The following MAPK1IP1L variants were observed in gnomAD, a reference collection of about 807,000 sequenced individuals.
MAPK1IP1L encodes the protein MAPK-interacting and spindle-stabilizing protein-like.
A neutral mutation model predicts 18.1 loss-of-function variants in MAPK1IP1L; 10 were observed. That is an observed-to-expected ratio of 0.55 (90% CI 0.34 to 0.94). MAPK1IP1L has a LOEUF of 0.94. Among genes scored for constraint, MAPK1IP1L ranks in the 40% least tolerant of loss-of-function variants. The pLI, the probability that MAPK1IP1L is intolerant of heterozygous loss-of-function variation, is 0.02. For missense variants in MAPK1IP1L, 260 were observed against 318.2 expected, an observed-to-expected ratio of 0.82 and a Z score of 1.39; for synonymous variants, 115 against 117.3, an observed-to-expected ratio of 0.98 and a Z score of 0.13.
intron 2 of MAPK1IP1L, 57 bp from the exon 3 acceptor site, chr14:55,062,561 T>C: frequency 1.5e-6 from 2 of 1,378,484 alleles, no homozygotes; most frequent in South Asian, 1.4e-5. Context: ...GGGTTTATAA[T>C]GGTGTTCGAT....
chr14:55,063,177 C>T lies in MAPK1IP1L; in HGVS notation c.578C>T (p.Thr193Ile). 1.2e-6 allele frequency: 2 copies of T among 1,614,162 alleles called. No individual in the cohort carries two copies. The highest frequency in any genetic ancestry group is 1.7e-6 in the Non-Finnish European group (2 of 1,180,034). Residue 193 changes from threonine to isoleucine, a missense_variant, in exon 3 of 4, where the codon ACC becomes ATC. Physicochemically the swap from Thr to Ile is moderately conservative, Grantham distance 89. Coordinates refer to ENST00000395468, the MANE Select transcript of MAPK1IP1L (RefSeq NM_144578.4). ...GCAGCACCACCTGTTCCATGGGGCA[C>T]CGTTCCACCAGGAGCCTGGGGACCA... is the stretch of plus-strand genomic sequence containing the variant. Reference protein sequence around the residue: ...PGAAPPVPWGTVPPGAWGPPA... With the variant: ...PGAAPPVPWGIVPPGAWGPPA...
chr14:55,064,320 T>C (rs774897006), intron 3 of MAPK1IP1L, among the ~76,000 whole-genome samples: 7 of 152,044 alleles, frequency 4.6e-5, no homozygotes, highest in Admixed American at 1.3e-4. Flanking sequence ...CTGTTAACTC[T>C]TAGTACGAAA....
At position 55,063,147 on chromosome 14, in the gene MAPK1IP1L, C is replaced by T. The variant is rs1013001033; in HGVS notation, c.548C>T (p.Pro183Leu). 1.2e-6 allele frequency: 2 copies of T among 1,614,090 alleles called. No homozygotes were observed. The highest frequency in any genetic ancestry group is 1.7e-6 in the Non-Finnish European group (2 of 1,180,032). The stretch of plus-strand genomic sequence containing the variant: ...CCCGCTCCTCCTCCTCCCCAAGCCC[C>T]TGGGGCAGCACCACCTGTTCCATGG... ...PYPAPPPPQA[P>L]GAAPPVPWGT... is the part of the protein sequence containing the mutation. Residue 183 changes from proline to leucine, a missense_variant, in exon 3 of 4, where the codon CCT becomes CTT. By Grantham distance (98) the Pro-to-Leu change is moderately conservative. Coordinates refer to ENST00000395468, the MANE Select transcript of MAPK1IP1L (RefSeq NM_144578.4).
intron 1 of MAPK1IP1L, among the ~76,000 whole-genome samples, chr14:55,054,011 A>G (rs989393486): frequency 6.6e-6 from 1 of 152,120 alleles, no homozygotes; most frequent in African/African-American, 2.4e-5. Flanking sequence ...GAATGCTCTA[A>G]TGAGCATTTC....
At position 55,054,560 on chromosome 14, in the gene MAPK1IP1L, A is replaced by G. The variant is rs1034984156; in HGVS notation, c.-5+2757A>G. On this transcript the variant is annotated intron_variant, in intron 1 of 3. Coordinates refer to ENST00000395468, the MANE Select transcript of MAPK1IP1L (RefSeq NM_144578.4). ...ATATCTAACATGTATATAGCACTTT[A>G]TAGATTAAGTGTGTTACTATTTTCT... Among the ~76,000 whole-genome samples, 19 of 152,366 alleles carry G rather than the reference A, an allele frequency of 1.2e-4. 1 individual carries two copies. The highest frequency in any genetic ancestry group is 4.1e-4 in the South Asian group (2 of 4,828).
At position 55,069,758 on chromosome 14, in the gene MAPK1IP1L, CTCT is replaced by C. The variant is rs1256385233; in HGVS notation, c.*5136_*5138del. 4 of 152,168 alleles carry C rather than the reference CTCT, an allele frequency of 2.6e-5. No individual in the cohort carries two copies. Among genetic ancestry groups the C allele is most frequent in the Admixed American group, 6.5e-5 (1 of 15,270 alleles). The allele number at this position is 152,168 out of a possible 1,614,324, so 9.4% of individuals were successfully genotyped here. A position where few individuals can be genotyped will look rare whatever the true frequency, so the allele number is the denominator to read the frequency against. ...ACATGGTGTCCATTGTGGTGATTTT[CTCT>C]TCTTTTAAGGCTAGGCTACTCTTGG... On this transcript the variant is annotated 3_prime_UTR_variant, in exon 4 of 4. Coordinates refer to ENST00000395468, the MANE Select transcript of MAPK1IP1L (RefSeq NM_144578.4).
In MAPK1IP1L at chr14:55,064,878, GATAAAGT is replaced by G. The variant is rs1328516309; in HGVS notation, c.*255_*261del. 5.6e-5 allele frequency: 22 copies of G among 389,626 alleles called. No homozygotes were observed. In the South Asian group the frequency reaches 1.8e-3, roughly 32 times the overall value. 24.1% of individuals were successfully genotyped at this position (389,626 alleles called of 1,614,324 possible). A position where few individuals can be genotyped will look rare whatever the true frequency, so the allele number is the denominator to read the frequency against. On this transcript the variant is annotated 3_prime_UTR_variant, in exon 4 of 4. Transcript: ENST00000395468. ...TTTGGTTTTCATGGAAAGTTAAAGT[GATAAAGT>G]ATATTGAATAGTTCTTTGACAGAAT... is the stretch of plus-strand genomic sequence containing the variant.
rs542543411 is a variant in MAPK1IP1L, at chr14:55,066,175, G to A, written c.*1548G>A. The A allele has an allele frequency of 2.0e-5, 3 of 152,296 alleles. No individual in the cohort carries two copies. Among genetic ancestry groups the A allele is most frequent in the South Asian group, 2.1e-4 (1 of 4,826 alleles). 9.4% of individuals were successfully genotyped at this position (152,296 alleles called of 1,614,324 possible). A position where few individuals can be genotyped will look rare whatever the true frequency, so the allele number is the denominator to read the frequency against. On this transcript the variant is annotated 3_prime_UTR_variant, in exon 4 of 4. Coordinates refer to ENST00000395468, the MANE Select transcript of MAPK1IP1L (RefSeq NM_144578.4). Reference sequence around the variant, plus strand: ...GTTTTGCTTAGAAATAAAATATTTAGTAGTTTATTTCTGCTCTAATTAAAA... The same window carrying A: ...GTTTTGCTTAGAAATAAAATATTTAATAGTTTATTTCTGCTCTAATTAAAA...
chr14:55,052,722 G>T (rs187618783), intron 1 of MAPK1IP1L, among the ~76,000 whole-genome samples: 23 of 152,326 alleles, frequency 1.5e-4, no homozygotes, highest in African/African-American at 5.3e-4. Flanking sequence ...GTTCACTGGT[G>T]TTCTTTGGGG....
At chr14:55,055,456 C>G (rs926342460) in intron 1 of MAPK1IP1L, among the ~76,000 whole-genome samples, 1 of 152,144 alleles carries the variant, frequency 6.6e-6, no homozygotes, top group Non-Finnish European at 1.5e-5. Flanking sequence ...CAATGAATCC[C>G]TGAAACTGAA....
rs1247489550 is a variant in MAPK1IP1L at position 55,069,403 on chromosome 14, C to T, written c.*4776C>T. 1 of 152,538 alleles carries T rather than the reference C, an allele frequency of 6.6e-6. No homozygotes were observed. Among genetic ancestry groups the T allele is most frequent in the East Asian group, 1.9e-4 (1 of 5,198 alleles). The allele number at this position is 152,538 out of a possible 1,614,324, so 9.4% of individuals were successfully genotyped here. On this transcript the variant is annotated 3_prime_UTR_variant, in exon 4 of 4. Transcript: ENST00000395468. ...TATCACCTGCTGCTGTATTTGTAAA[C>T]AAAGACAAATGTTGCTTTAAGAAGT... is the stretch of plus-strand genomic sequence containing the variant.
In MAPK1IP1L at chr14:55,067,066, T is replaced by TTA. The variant is rs2042868609; in HGVS notation, c.*2440_*2441insAT. The TTA allele has an allele frequency of 8.8e-6, 1 of 113,594 alleles. No homozygotes were observed. The highest frequency in any genetic ancestry group is 1.7e-5 in the Non-Finnish European group (1 of 58,114). The allele number at this position is 113,594 out of a possible 1,614,324, so 7.0% of individuals were successfully genotyped here. On this transcript the variant is annotated 3_prime_UTR_variant, in exon 4 of 4. Transcript: ENST00000395468. ...GTGCCCGCCACCATGCCCGGCTAAT[T>TTA]TTTTTTTTTTTTTTTTTTTAGTAGA...
At chr14:55,056,606 T>G (rs1248640466) in intron 1 of MAPK1IP1L, among the ~76,000 whole-genome samples, 2 of 152,142 alleles carry the variant, frequency 1.3e-5, no homozygotes, top group Non-Finnish European at 2.9e-5. Flanking sequence ...GCCTCCTGGG[T>G]TCGCGCCATT....
At chr14:55,055,620 A>T (rs980651414) in intron 1 of MAPK1IP1L, among the ~76,000 whole-genome samples, 2 of 152,164 alleles carry the variant, frequency 1.3e-5, no homozygotes, top group Non-Finnish European at 2.9e-5. Flanking sequence ...TACTCAGAAC[A>T]TGCTCTTGCC....
chr14:55,062,645 C>T lies in MAPK1IP1L; in HGVS notation c.46C>T (p.Pro16Ser), dbSNP rs1346189012. The T allele has an allele frequency of 2.5e-6, 4 of 1,613,558 alleles. No individual in the cohort carries two copies. The change falls in exon 3 of 4, where the codon CCT becomes TCT. Residue 16 changes from proline (P) to serine (S), a missense_variant. Pro to Ser is a moderately conservative substitution (Grantham distance 74). Coordinates refer to ENST00000395468, the MANE Select transcript of MAPK1IP1L (RefSeq NM_144578.4). ...GGCAGATGCACTACCTGAACACTCC[C>T]CTGCCAAAACCTCTGCTGTGAGCAA... ...SLADALPEHS[P>S]AKTSAVSNTK...
chr14:55,057,836 A>AG (rs2042783813), intron 1 of MAPK1IP1L, among the ~76,000 whole-genome samples: 1 of 152,126 alleles, frequency 6.6e-6, no homozygotes, highest in South Asian at 2.1e-4. Flanking sequence ...TCAAAGGCTA[A>AG]GGTGGGAGGA....
rs985901929 is a variant in MAPK1IP1L at position 55,054,433 on chromosome 14, G to A, written c.-5+2630G>A. ...GCTGCGATTACAGGCTTGAGCCGCC[G>A]CACCCGGCCATTAATTTATATTTTC... On this transcript the variant is annotated intron_variant, in intron 1 of 3. Coordinates refer to ENST00000395468, the MANE Select transcript of MAPK1IP1L (RefSeq NM_144578.4). Among the ~76,000 whole-genome samples, 10 of 152,092 alleles carry A rather than the reference G, an allele frequency of 6.6e-5. No individual in the cohort carries two copies. The South Asian group carries it at 1.9e-3, about 28-fold the overall frequency.
chr14:55,057,692 G>T (rs1164536211), intron 1 of MAPK1IP1L, among the ~76,000 whole-genome samples: 1 of 151,620 alleles, frequency 6.6e-6, no homozygotes, highest in Non-Finnish European at 1.5e-5. Flanking sequence ...GGAGGCGGAG[G>T]TTACAGTGAA....
rs2042881287 is a variant in MAPK1IP1L at position 55,068,350 on chromosome 14, C to T, written c.*3723C>T. 6.6e-6 allele frequency: 1 copy of T among 152,612 alleles called. No homozygotes were observed. Among genetic ancestry groups the T allele is most frequent in the Non-Finnish European group, 1.5e-5 (1 of 68,036 alleles). 9.5% of individuals were successfully genotyped at this position (152,612 alleles called of 1,614,324 possible). Reference sequence around the variant, plus strand: ...CAAATAATTAGTGCTACCTGGGGTACTCTCAAATATACAGCTTTTGAAACT... The same window carrying T: ...CAAATAATTAGTGCTACCTGGGGTATTCTCAAATATACAGCTTTTGAAACT... On this transcript the variant is annotated 3_prime_UTR_variant, in exon 4 of 4. Transcript: ENST00000395468.
Sources: gnomAD v4.1 joint callset for allele counts (sites outside exome capture counted in the v4.1 genomes callset) on GRCh38, gnomAD v4.1.1 for gene constraint, MANE v1.5 for transcripts, NCBI Gene and HGNC (gene_info 2026-07-23, HGNC 2026-07-21) for gene names.